The following CNTNAP2 variants were observed in gnomAD, a reference collection of about 807,000 sequenced individuals.
CNTNAP2 encodes the protein contactin associated protein 2, also known as contactin-associated protein-like 2.
CNTNAP2 carries 98 observed loss-of-function variants against 155.2 expected under a neutral mutation model. The ratio of observed to expected loss-of-function variants is 0.63; its 90% CI spans 0.54 to 0.75. The LOEUF (loss-of-function observed/expected upper bound fraction) is 0.75. Among genes scored for constraint, CNTNAP2 ranks in the 30% least tolerant of loss-of-function variants. The pLI, the probability that CNTNAP2 is intolerant of heterozygous loss-of-function variation, is 0.00. For missense variants in CNTNAP2, 1,727 were observed against 1,688.1 expected (o/e 1.02, Z -0.40); for synonymous variants, 651 against 631.2 (o/e 1.03, Z -0.47).
rs548566765 is a variant in CNTNAP2 at position 146,661,734 on chromosome 7, T to G, written c.98-112537T>G. On this transcript the variant is annotated intron_variant, in intron 1 of 23. Transcript: ENST00000361727. ...TCTTTTTCTTTCTTTCTTTCTTTCT[T>G]TTTTTTTTTTAAATAAAGCTGCAAT... Among the ~76,000 whole-genome samples, 462 of 149,974 alleles carry G rather than the reference T, an allele frequency of 3.1e-3. 1 individual carries two copies. The highest frequency in any genetic ancestry group is 0.021 in the Middle Eastern group (6 of 288).
chr7:146,467,685 A>G (rs1341543080), intron 1 of CNTNAP2, among the ~76,000 whole-genome samples: 1 of 152,174 alleles, frequency 6.6e-6, no homozygotes, highest in Non-Finnish European at 1.5e-5. Flanking sequence ...TTGAAAAATA[A>G]CTATTTGAAT....
At chr7:147,365,979 A>G (rs1796223639) in intron 9 of CNTNAP2, among the ~76,000 whole-genome samples, 1 of 152,288 alleles carries the variant, frequency 6.6e-6, no homozygotes, top group East Asian at 1.9e-4. Context: ...TTTATTCGGC[A>G]CTGATTATGA....
At chr7:147,317,792 G>GTATATA (rs1237244883) in intron 9 of CNTNAP2, among the ~76,000 whole-genome samples, 5 of 56,378 alleles carry the variant, frequency 8.9e-5, no homozygotes, top group African/African-American at 7.1e-4. Context: ...GTGTGTGTGT[G>GTATATA]TGTGTGTATA....
At chr7:146,268,648 C>G (rs139759221) in intron 1 of CNTNAP2, among the ~76,000 whole-genome samples, 324 of 152,248 alleles carry the variant, frequency 2.1e-3, no homozygotes, top group Middle Eastern at 6.8e-3. Context: ...TTCAAACTTG[C>G]AACCTAAAGA....
chr7:147,722,411 T>C (rs1021187473), intron 13 of CNTNAP2, among the ~76,000 whole-genome samples: 2 of 152,156 alleles, frequency 1.3e-5, no homozygotes, highest in African/African-American at 4.8e-5. Context: ...AAAAGGCACA[T>C]GGATTTTTTA....
At chr7:146,358,997 G>T (rs1384120504) in intron 1 of CNTNAP2, among the ~76,000 whole-genome samples, 1 of 152,206 alleles carries the variant, frequency 6.6e-6, no homozygotes, top group East Asian at 1.9e-4. Context: ...CTGCAAAGCA[G>T]CTGCTGTTAT....
intron 12 of CNTNAP2, among the ~76,000 whole-genome samples, chr7:147,584,466 G>A (rs1800579041): frequency 6.6e-6 from 1 of 152,098 alleles, no homozygotes; most frequent in African/African-American, 2.4e-5. Flanking sequence ...ATATGTAGTG[G>A]ATAAATTTAA....
intron 1 of CNTNAP2, among the ~76,000 whole-genome samples, chr7:146,717,081 CT>C (rs143989500): frequency 0.034 from 5,164 of 152,174 alleles, 129 homozygotes; most frequent in East Asian, 0.12. Flanking sequence ...AGACCTCCCC[CT>C]GAGTGGATTT....
chr7:148,206,629 A>T (rs904636075), intron 18 of CNTNAP2, among the ~76,000 whole-genome samples: 6 of 152,212 alleles, frequency 3.9e-5, no homozygotes, highest in African/African-American at 1.4e-4. Context: ...CTGACTGCAC[A>T]TTAGACTAAT....
chr7:146,955,368 C>G (rs145677753), intron 3 of CNTNAP2, among the ~76,000 whole-genome samples: 1 of 151,876 alleles, frequency 6.6e-6, no homozygotes, highest in Non-Finnish European at 1.5e-5. Context: ...TTTCCTAGCA[C>G]GAAGACCTGC....
intron 3 of CNTNAP2, among the ~76,000 whole-genome samples, chr7:146,908,327 C>T (rs1358175812): frequency 4.0e-5 from 6 of 149,710 alleles, no homozygotes; most frequent in Non-Finnish European, 9.0e-5. Context: ...GAACTCTCCA[C>T]CCCAAATCAA....
At chr7:147,348,754 C>A (rs917019140) in intron 9 of CNTNAP2, among the ~76,000 whole-genome samples, 17 of 152,014 alleles carry the variant, frequency 1.1e-4, no homozygotes, top group African/African-American at 3.4e-4. Flanking sequence ...AGGTATCCAA[C>A]AACAGATGAA....
At chr7:147,583,460 T>G (rs34920436) in intron 12 of CNTNAP2, among the ~76,000 whole-genome samples, 25,075 of 146,900 alleles carry the variant, frequency 0.17, 2,434 homozygotes, top group East Asian at 0.36. Flanking sequence ...ATGGAACAAA[T>G]ACCATTCTGC....
At chr7:147,566,452 A>G (rs975548720) in intron 12 of CNTNAP2, among the ~76,000 whole-genome samples, 1 of 152,018 alleles carries the variant, frequency 6.6e-6, no homozygotes, top group Non-Finnish European at 1.5e-5. Context: ...TCACACTGCT[A>G]TGAAGAACTT....
intron 14 of CNTNAP2, among the ~76,000 whole-genome samples, chr7:147,952,966 T>C (rs1346479815): frequency 1.3e-5 from 2 of 152,192 alleles, no homozygotes; most frequent in Non-Finnish European, 2.9e-5. Context: ...ATTTAGGGAA[T>C]ATTCCCAAGG....
At chr7:147,933,144 A>T (rs561252926) in intron 14 of CNTNAP2, among the ~76,000 whole-genome samples, 3 of 149,060 alleles carry the variant, frequency 2.0e-5, no homozygotes, top group South Asian at 2.1e-4. Context: ...CTATTGTTTT[A>T]AAAAAAAAAG....
At chr7:147,914,994 T>A (rs1212897852) in intron 14 of CNTNAP2, among the ~76,000 whole-genome samples, 1 of 152,242 alleles carries the variant, frequency 6.6e-6, no homozygotes, top group East Asian at 1.9e-4. Flanking sequence ...ATTGTACATC[T>A]TATAAGCTCT....
intron 13 of CNTNAP2, among the ~76,000 whole-genome samples, chr7:147,731,225 A>G (rs957798531): frequency 3.9e-5 from 6 of 152,174 alleles, no homozygotes; most frequent in African/African-American, 1.4e-4. Flanking sequence ...ACATCTTTCT[A>G]TTGGAAGAAG....
At chr7:146,643,835 C>A (rs1799759285) in intron 1 of CNTNAP2, among the ~76,000 whole-genome samples, 1 of 151,266 alleles carries the variant, frequency 6.6e-6, no homozygotes, top group South Asian at 2.1e-4. Context: ...CTTTTATTTC[C>A]TTGAGCAGTG....
Sources: gnomAD v4.1 joint callset for allele counts (sites outside exome capture counted in the v4.1 genomes callset) on GRCh38, gnomAD v4.1.1 for gene constraint, MANE v1.5 for transcripts, NCBI Gene and HGNC (gene_info 2026-07-23, HGNC 2026-07-21) for gene names.